GSG1: variants seen among roughly 807,000 people sequenced by gnomAD.
GSG1 encodes the protein germ cell-specific gene 1 protein.
In GSG1, 28 loss-of-function variants were observed where a neutral mutation model predicts 30.8. The ratio of observed to expected loss-of-function variants is 0.91; its 90% CI spans 0.67 to 1.25. The LOEUF (loss-of-function observed/expected upper bound fraction) is 1.25. Ranked by LOEUF, GSG1 falls within the 50% of genes most tolerant of loss-of-function variation. The pLI is 0.00. For missense variants in GSG1, 435 were observed against 444.7 expected, an observed-to-expected ratio of 0.98 and a Z score of 0.20; for synonymous variants, 162 against 178.0, an observed-to-expected ratio of 0.91 and a Z score of 0.71.
chr12:13,091,103 C>G (rs1306283799), intron 1 of GSG1, among the ~76,000 whole-genome samples: 1 of 151,972 alleles, frequency 6.6e-6, no homozygotes, highest in East Asian at 1.9e-4. Flanking sequence ...CTGTCTCAGT[C>G]CCACTCTTTC....
chr12:13,091,906 T>C (rs918230794), intron 1 of GSG1, among the ~76,000 whole-genome samples: 2 of 152,248 alleles, frequency 1.3e-5, no homozygotes, highest in African/African-American at 4.8e-5. Context: ...CTCTTATCAG[T>C]GGTTTTCAGT....
Position 13,093,019 on chromosome 12 carries a change from C to G in GSG1, c.49-2201G>C, listed in dbSNP as rs1866305485. Among the ~76,000 whole-genome samples, 1 of 151,722 alleles carries G rather than the reference C, an allele frequency of 6.6e-6. No individual in the cohort carries two copies. Among genetic ancestry groups the G allele is most frequent in the African/African-American group, 2.4e-5 (1 of 41,320 alleles). Reference sequence around the variant, plus strand: ...CCATATTGGCCAGGCTGGTCTTAAACTCCTGATCTTAGGTAATCTGCCCGC... The same window carrying G: ...CCATATTGGCCAGGCTGGTCTTAAAGTCCTGATCTTAGGTAATCTGCCCGC... On this transcript the variant is annotated intron_variant, in intron 1 of 6. Coordinates refer to ENST00000651961, the MANE Select transcript of GSG1 (RefSeq NM_001080555.4). The surrounding 1 kb of genome is among the most constrained non-coding windows in gnomAD (Gnocchi z 4.6).
Position 13,101,418 on chromosome 12 carries a change from G to C in GSG1, c.48+2047C>G, listed in dbSNP as rs1048205363. 6.6e-6 allele frequency among the ~76,000 whole-genome samples: 1 copy of C among 152,234 alleles called. No homozygotes were observed. The highest frequency in any genetic ancestry group is 2.4e-5 in the African/African-American group (1 of 41,468). On this transcript the variant is annotated intron_variant, in intron 1 of 6. Transcript: ENST00000651961. This position sits in a 1 kb window ranked among gnomAD's most constrained non-coding sequence, Gnocchi z 5.8. The stretch of plus-strand genomic sequence containing the variant: ...CCATGGCTTCCTGACCGGGTCGGGC[G>C]GGGGTACCCGGGCTGTTTCTTCCTC...
chr12:13,089,880 G>A (rs1253965815), intron 2 of GSG1, among the ~76,000 whole-genome samples: 6 of 152,128 alleles, frequency 3.9e-5, no homozygotes, highest in Non-Finnish European at 2.9e-5. Context: ...GAGAAACCCT[G>A]TCTCTCTAAA....
At position 13,101,380 on chromosome 12, in the gene GSG1, G is replaced by A. The variant is rs1301415403; in HGVS notation, c.48+2085C>T. Among the ~76,000 whole-genome samples, 1 of 152,254 alleles carries A rather than the reference G, an allele frequency of 6.6e-6. No homozygotes were observed. Among genetic ancestry groups the A allele is most frequent in the Non-Finnish European group, 1.5e-5 (1 of 68,040 alleles). ...CATTGTTTGCGAGGCCCCGCCCCGC[G>A]GCCGCCAACCACCCATGGCTTCCTG... On this transcript the variant is annotated intron_variant, in intron 1 of 6. Coordinates refer to ENST00000651961, the MANE Select transcript of GSG1 (RefSeq NM_001080555.4). The surrounding 1 kb of genome is among the most constrained non-coding windows in gnomAD (Gnocchi z 5.8).
intron 6 of GSG1, among the ~76,000 whole-genome samples, 181 bp downstream of exon 6, chr12:13,086,971 C>T (rs1865592036): frequency 6.6e-6 from 1 of 152,108 alleles, no homozygotes; most frequent in African/African-American, 2.4e-5. Context: ...CTTCCTGTAC[C>T]CCCTCAGAAG....
At chr12:13,087,120 G>T in intron 6 of GSG1, 32 bp downstream of exon 6, 2 of 1,455,118 alleles carry the variant, frequency 1.4e-6, no homozygotes, top group Non-Finnish European at 1.9e-6. Context: ...GTTGGCTGGG[G>T]CTACAAAGGT....
Position 13,087,980 on chromosome 12 carries a change from G to C in GSG1, c.561C>G (p.Asp187Glu), listed in dbSNP as rs1865702867. The stretch of plus-strand genomic sequence containing the variant: ...AGGCAGGGTTCCCAGTGAGTAGCAA[G>C]TCTGTTAGTAGCAGGAGGAAGCTGA... ...QFISFLLLLTDLLLTGNPACG... is the reference protein window; with the variant it reads ...QFISFLLLLTELLLTGNPACG... Residue 187 changes from aspartate to glutamate, a missense_variant, in exon 5 of 7, where the codon GAC becomes GAG. Asp to Glu is a conservative substitution (Grantham distance 45, BLOSUM62 2). Transcript: ENST00000651961. 2.5e-6 allele frequency: 4 copies of C among 1,614,150 alleles called. No homozygotes were observed. The highest frequency in any genetic ancestry group is 2.5e-6 in the Non-Finnish European group (3 of 1,180,054).
At chr12:13,085,350 A>AT in intron 6 of GSG1, 107 bp from the exon 7 acceptor site, 1 of 995,966 alleles carries the variant, frequency 1.0e-6, no homozygotes, top group Non-Finnish European at 1.4e-6. Context: ...CCTTGTAGGG[A>AT]TTTAGGGACT....
chr12:13,095,470 G>C (rs892474981), intron 1 of GSG1: 2 of 930,812 alleles, frequency 2.1e-6, no homozygotes, highest in Non-Finnish European at 3.6e-6. Flanking sequence ...TATATTAACA[G>C]AGTAACCCAG....
intron 1 of GSG1, chr12:13,095,909 G>T: frequency 1.3e-6 from 1 of 799,474 alleles, no homozygotes; most frequent in Non-Finnish European, 1.9e-6. Flanking sequence ...GCAATTTGCA[G>T]AGGAAATTTT....
At chr12:13,094,605 C>CTG (rs1866487745) in intron 1 of GSG1, among the ~76,000 whole-genome samples, 1 of 152,194 alleles carries the variant, frequency 6.6e-6, no homozygotes, top group Non-Finnish European at 1.5e-5. Context: ...CATTCTCTTA[C>CTG]TGTGAGTCAT....
At chr12:13,096,511 T>C (rs1164007559) in intron 1 of GSG1, among the ~76,000 whole-genome samples, 1 of 150,570 alleles carries the variant, frequency 6.6e-6, no homozygotes, top group Admixed American at 6.6e-5. Flanking sequence ...TACTATTAAG[T>C]ATCTCCCTCT....
chr12:13,088,119 G>A lies in GSG1; in HGVS notation c.482-60C>T, dbSNP rs1344266007. On this transcript the variant is annotated intron_variant, in intron 4 of 6. Coordinates refer to ENST00000651961, the MANE Select transcript of GSG1 (RefSeq NM_001080555.4). ...CTGACAGTTAAAAAACTGAATAAGCGGTGAGCATAGGATGCCTATTAGGAG... is the reference window on the plus strand; with the variant it reads ...CTGACAGTTAAAAAACTGAATAAGCAGTGAGCATAGGATGCCTATTAGGAG... 10 of 1,589,180 alleles carry A rather than the reference G, an allele frequency of 6.3e-6. No homozygotes were observed. The East Asian group carries it at 8.9e-5, about 14-fold the overall frequency.
At chr12:13,099,744 TTTTTTG>T in intron 1 of GSG1, among the ~76,000 whole-genome samples, 1 of 120,688 alleles carries the variant, frequency 8.3e-6, no homozygotes, top group Admixed American at 8.3e-5. Context: ...TCCGGTGTTT[TTTTTTG>T]TTTTTTTTTT....
At chr12:13,095,997 A>G (rs1158675314) in intron 1 of GSG1, among the ~76,000 whole-genome samples, 1 of 152,188 alleles carries the variant, frequency 6.6e-6, no homozygotes, top group East Asian at 1.9e-4. Flanking sequence ...TTGGGCTTGG[A>G]TTTATGACAG....
Position 13,090,518 on chromosome 12 carries a change from T to G in GSG1, c.349A>C (p.Thr117Pro). 1 of 1,609,654 alleles carries G rather than the reference T, an allele frequency of 6.2e-7. No homozygotes were observed. The highest frequency in any genetic ancestry group is 8.5e-7 in the Non-Finnish European group (1 of 1,176,456). The change falls in exon 2 of 7, where the codon ACT becomes CCT. Residue 117 changes from threonine (T) to proline (P), a missense_variant. Physicochemically the swap from Thr to Pro is conservative, Grantham distance 38 (BLOSUM62 -1). Transcript: ENST00000651961. ...RSGMWLSCEE[T>P]VEEPALLHPQ... ...TGTAGGCTACCTGGTTCTTCCACAGTTTCCTCACAGGATAGCCACATGCCA... is the reference window on the plus strand; with the variant it reads ...TGTAGGCTACCTGGTTCTTCCACAGGTTCCTCACAGGATAGCCACATGCCA...
At chr12:13,089,536 T>C (rs756039401) in intron 2 of GSG1, among the ~76,000 whole-genome samples, 1 of 152,218 alleles carries the variant, frequency 6.6e-6, no homozygotes, top group Non-Finnish European at 1.5e-5. Context: ...CCTGCTTTGC[T>C]AGTGTGCACT....
chr12:13,094,205 T>C (rs907121863), intron 1 of GSG1, among the ~76,000 whole-genome samples: 2 of 152,216 alleles, frequency 1.3e-5, no homozygotes, highest in African/African-American at 2.4e-5. Context: ...GAGAGAACTT[T>C]ACCTGAGAAA....
Sources: gnomAD v4.1 joint callset for allele counts (sites outside exome capture counted in the v4.1 genomes callset) on GRCh38, gnomAD v4.1.1 for gene constraint, Gnocchi (gnomAD v3.1) non-coding constraint, MANE v1.5 for transcripts, NCBI Gene and HGNC (gene_info 2026-07-23, HGNC 2026-07-21) for gene names.